Variants in FGF9 observed in about 807,000 individuals in gnomAD.
The protein encoded by FGF9 is fibroblast growth factor 9 (glia-activating factor).
FGF9 carries 3 observed loss-of-function variants against 19.9 expected under a neutral mutation model. That is an observed-to-expected ratio of 0.15 (90% CI 0.07 to 0.39). FGF9 has a LOEUF of 0.39. Ranked by LOEUF, FGF9 falls within the 10% of genes least tolerant of loss-of-function variation. The pLI, the probability that FGF9 is intolerant of heterozygous loss-of-function variation, is 1.00. For missense variants in FGF9, 175 were observed against 256.8 expected, an observed-to-expected ratio of 0.68 and a Z score of 2.18; for synonymous variants, 107 against 106.9, an observed-to-expected ratio of 1.00 and a Z score of -0.01.
Position 21,701,228 on chromosome 13 carries a change from C to T in FGF9, c.420C>T (p.Phe140=), listed in dbSNP as rs765041263. The T allele has an allele frequency of 6.8e-5, 109 of 1,613,364 alleles. No individual in the cohort carries two copies. Among genetic ancestry groups the T allele is most frequent in the Non-Finnish European group, 7.7e-5 (91 of 1,179,746 alleles). The stretch of plus-strand genomic sequence containing the variant: ...AAGAGTGTGTATTCAGAGAACAGTT[C>T]GAAGAAAACTGGTATAATACGTACT... ...LTQECVFREQ[F]EENWYNTYSS... The change falls in exon 3 of 3, where the codon TTC becomes TTT. Residue 140 remains phenylalanine, a synonymous_variant. Coordinates refer to ENST00000382353, the MANE Select transcript of FGF9 (RefSeq NM_002010.3).
chr13:21,701,360 C>G lies in FGF9; in HGVS notation c.552C>G (p.Phe184Leu), dbSNP rs767964377. The G allele has an allele frequency of 6.8e-6, 11 of 1,613,794 alleles. No homozygotes were observed. The highest frequency in any genetic ancestry group is 1.7e-5 in the Admixed American group (1 of 59,976). The change falls in exon 3 of 3, where the codon TTC (phenylalanine) becomes TTG (leucine). Residue 184 changes from phenylalanine (F) to leucine (L), a missense_variant. Phe to Leu is a conservative substitution (Grantham distance 22, BLOSUM62 0). Transcript: ENST00000382353. ...CTAGGACTAAACGGCACCAGAAATT[C>G]ACACATTTTTTACCTAGACCAGTGG... Reference protein sequence around the residue: ...EGTRTKRHQKFTHFLPRPVDP... With the variant: ...EGTRTKRHQKLTHFLPRPVDP...
Position 21,702,325 on chromosome 13 carries a change from T to A in FGF9, c.*890T>A, listed in dbSNP as rs1872569692. The stretch of plus-strand genomic sequence containing the variant: ...CGCTCATGACACTGAGTATTCACTC[T>A]TCAGACTGCTTGTTTCATAGCTTAT... On this transcript the variant is annotated 3_prime_UTR_variant, in exon 3 of 3. Transcript: ENST00000382353. The A allele has an allele frequency of 6.6e-6, 1 of 152,226 alleles. No homozygotes were observed. Among genetic ancestry groups the A allele is most frequent in the Admixed American group, 6.5e-5 (1 of 15,292 alleles). The allele number at this position is 152,226 out of a possible 1,614,324, so 9.4% of individuals were successfully genotyped here. A position where few individuals can be genotyped will look rare whatever the true frequency, so the allele number is the denominator to read the frequency against.
In FGF9 at chr13:21,702,623, T is replaced by C. The variant is rs1565955426; in HGVS notation, c.*1188T>C. The C allele has an allele frequency of 6.6e-6, 1 of 152,232 alleles. No individual in the cohort carries two copies. Among genetic ancestry groups the C allele is most frequent in the Non-Finnish European group, 1.5e-5 (1 of 68,034 alleles). 9.4% of individuals were successfully genotyped at this position (152,232 alleles called of 1,614,324 possible). A position where few individuals can be genotyped will look rare whatever the true frequency, so the allele number is the denominator to read the frequency against. The stretch of plus-strand genomic sequence containing the variant: ...GGAAAAAAAAGTACATAGCACAGAC[T>C]ATTTTTTTTAAAGACGTAAGAATCA... On this transcript the variant is annotated 3_prime_UTR_variant, in exon 3 of 3. Coordinates refer to ENST00000382353, the MANE Select transcript of FGF9 (RefSeq NM_002010.3).
chr13:21,693,141 T>C (rs1436213574), intron 2 of FGF9, among the ~76,000 whole-genome samples: 3 of 152,230 alleles, frequency 2.0e-5, no homozygotes, highest in Non-Finnish European at 4.4e-5. Context: ...GATGGTCAGG[T>C]CACCTTATCC....
At chr13:21,690,569 C>T (rs1329386363) in intron 2 of FGF9, among the ~76,000 whole-genome samples, 3 of 152,186 alleles carry the variant, frequency 2.0e-5, no homozygotes, top group Non-Finnish European at 2.9e-5. Flanking sequence ...GCTGGAAATA[C>T]GTTGATCCTC....
chr13:21,684,401 T>C (rs1872111556), intron 2 of FGF9, among the ~76,000 whole-genome samples: 1 of 152,168 alleles, frequency 6.6e-6, no homozygotes, highest in Non-Finnish European at 1.5e-5. Context: ...GAACGCTCAT[T>C]GGGTTGAACT....
chr13:21,694,695 TC>T (rs1565953039), intron 2 of FGF9, among the ~76,000 whole-genome samples: 1 of 152,230 alleles, frequency 6.6e-6, no homozygotes, highest in Non-Finnish European at 1.5e-5. Flanking sequence ...GATTTTTTTT[TC>T]AACTTGATGT....
chr13:21,680,356 A>G (rs1244329233), intron 1 of FGF9, among the ~76,000 whole-genome samples: 3 of 152,212 alleles, frequency 2.0e-5, no homozygotes, highest in African/African-American at 7.2e-5. Flanking sequence ...AAAAGTTAAC[A>G]CAATAGAGAG....
In FGF9 at chr13:21,671,530, T is replaced by C. The variant is rs1182447620; in HGVS notation, c.-383T>C. On this transcript the variant is annotated 5_prime_UTR_variant, in exon 1 of 3. Transcript: ENST00000382353. ...AATAACGCCTAGGCATTTAAGTTGC[T>C]ATGGTCATTCTGATCTCAAACCAAA... The C allele has an allele frequency of 2.0e-6, 1 of 509,488 alleles. No homozygotes were observed. The highest frequency in any genetic ancestry group is 1.9e-5 in the African/African-American group (1 of 51,674). The allele number at this position is 509,488 out of a possible 1,614,324, so 31.6% of individuals were successfully genotyped here.
intron 1 of FGF9, among the ~76,000 whole-genome samples, chr13:21,676,157 A>G (rs193237853): frequency 1.8e-4 from 27 of 152,264 alleles, no homozygotes; most frequent in Non-Finnish European, 3.1e-4. Flanking sequence ...TAAAATAATA[A>G]AAACATGAAC....
intron 2 of FGF9, among the ~76,000 whole-genome samples, chr13:21,692,230 T>C (rs1426957225): frequency 6.6e-6 from 1 of 152,214 alleles, no homozygotes; most frequent in East Asian, 1.9e-4. Context: ...CTTTAGGTTC[T>C]CCTGCTCTAT....
intron 2 of FGF9, among the ~76,000 whole-genome samples, chr13:21,692,783 C>T (rs1469719458): frequency 6.6e-6 from 1 of 152,184 alleles, no homozygotes; most frequent in Non-Finnish European, 1.5e-5. Context: ...ACCCATGACA[C>T]AGCCTCCGAA....
In FGF9 at chr13:21,671,725, A is replaced by T; in HGVS notation, c.-188A>T. On this transcript the variant is annotated 5_prime_UTR_variant, in exon 1 of 3. Coordinates refer to ENST00000382353, the MANE Select transcript of FGF9 (RefSeq NM_002010.3). The stretch of plus-strand genomic sequence containing the variant: ...TAGACTATCAGTGGTTTGACCTTGA[A>T]CCTGTGCCAGTGAAACAGCAGATTA... The T allele has an allele frequency of 3.0e-6, 2 of 665,148 alleles. No individual in the cohort carries two copies. Among genetic ancestry groups the T allele is most frequent in the Non-Finnish European group, 5.2e-6 (2 of 384,764 alleles). The allele number at this position is 665,148 out of a possible 1,614,324, so 41.2% of individuals were successfully genotyped here.
intron 2 of FGF9, among the ~76,000 whole-genome samples, chr13:21,687,389 C>G (rs1435837920): frequency 6.6e-6 from 1 of 152,202 alleles, no homozygotes; most frequent in Non-Finnish European, 1.5e-5. Flanking sequence ...TATGTGCACA[C>G]ATTAAACTAG....
chr13:21,703,826 C>T lies in FGF9; in HGVS notation c.*2391C>T, dbSNP rs1037654853. On this transcript the variant is annotated 3_prime_UTR_variant, in exon 3 of 3. Transcript: ENST00000382353. ...AAATTGTGAAAAAGACAAAAATCTT[C>T]ATGCATTCCTATAAAACGCTACTTT... 6.6e-6 allele frequency: 1 copy of T among 151,304 alleles called. No homozygotes were observed. Among genetic ancestry groups the T allele is most frequent in the African/African-American group, 2.4e-5 (1 of 41,190 alleles). The allele number at this position is 151,304 out of a possible 1,614,324, so 9.4% of individuals were successfully genotyped here.
intron 2 of FGF9, among the ~76,000 whole-genome samples, chr13:21,692,357 G>A (rs890538832): frequency 2.6e-5 from 4 of 151,920 alleles, no homozygotes; most frequent in African/African-American, 9.7e-5. Flanking sequence ...GACTTGGCTT[G>A]TATTCTTTTT....
At chr13:21,694,212 C>T (rs1872355295) in intron 2 of FGF9, among the ~76,000 whole-genome samples, 1 of 152,186 alleles carries the variant, frequency 6.6e-6, no homozygotes, top group Non-Finnish European at 1.5e-5. Flanking sequence ...CATGCCTCTA[C>T]TAGGGACACT....
chr13:21,671,927 T>G lies in FGF9; in HGVS notation c.15T>G (p.Gly5=). Residue 5 remains glycine, a synonymous_variant, in exon 1 of 3, where the codon GGT becomes GGG. Transcript: ENST00000382353. ...CGAGTCCTCTGATGGCTCCCTTAGG[T>G]GAAGTTGGGAACTATTTCGGTGTGC... The part of the protein sequence containing the change: MAPL[G]EVGNYFGVQD... 6.2e-7 allele frequency: 1 copy of G among 1,614,148 alleles called. No homozygotes were observed. Among genetic ancestry groups the G allele is most frequent in the Non-Finnish European group, 8.5e-7 (1 of 1,180,032 alleles).
intron 2 of FGF9, among the ~76,000 whole-genome samples, chr13:21,693,027 C>T (rs1000315604): frequency 6.6e-6 from 1 of 152,096 alleles, no homozygotes; most frequent in African/African-American, 2.4e-5. Context: ...GCCATAGCAC[C>T]CAAAATTCTG....
Sources: allele counts gnomAD v4.1 joint callset (sites outside exome capture counted in the v4.1 genomes callset), GRCh38; gene constraint gnomAD v4.1.1; transcripts MANE v1.5; gene names NCBI Gene and HGNC (gene_info 2026-07-23, HGNC 2026-07-21).